The following SIN3A variants were observed in gnomAD, a reference collection of about 807,000 sequenced individuals.
SIN3A encodes the protein paired amphipathic helix protein Sin3a.
Under a neutral mutation model 146.1 loss-of-function variants are expected in SIN3A, and 14 were observed. The ratio of observed to expected loss-of-function variants is 0.10; its 90% CI spans 0.06 to 0.15. SIN3A has a LOEUF of 0.15. Ranked by LOEUF, SIN3A falls within the 10% of genes least tolerant of loss-of-function variation. SIN3A has a pLI of 1.00. For missense variants in SIN3A, 1,028 were observed against 1,576.0 expected, an observed-to-expected ratio of 0.65 and a Z score of 5.89; for synonymous variants, 572 against 572.0, an observed-to-expected ratio of 1.00 and a Z score of 0.00.
At chr15:75,398,795 G>A (rs2073351479) in intron 12 of SIN3A, among the ~76,000 whole-genome samples, 1 of 151,850 alleles carries the variant, frequency 6.6e-6, no homozygotes, top group African/African-American at 2.4e-5. Flanking sequence ...TGATCGCTTG[G>A]ACCCAAGAGT....
intron 3 of SIN3A, chr15:75,420,273 C>T (rs1166876720): frequency 6.6e-6 from 1 of 151,916 alleles, no homozygotes; most frequent in African/African-American, 2.4e-5. Flanking sequence ...TGCCTCAAAT[C>T]GTTCAAATCC....
At chr15:75,446,269 C>G (rs1348535427) in intron 1 of SIN3A, 5 of 151,018 alleles carry the variant, frequency 3.3e-5, no homozygotes, top group African/African-American at 1.2e-4. Flanking sequence ...AGTGAGGGAG[C>G]TAGTCATGCA....
At chr15:75,450,821 G>A (rs1397818554) in intron 1 of SIN3A, among the ~76,000 whole-genome samples, 3 of 152,198 alleles carry the variant, frequency 2.0e-5, no homozygotes, top group Admixed American at 6.5e-5. Context: ...ACCCGACAGC[G>A]GGCTTTCCCT....
chr15:75,413,679 G>A (rs999901265), intron 4 of SIN3A, among the ~76,000 whole-genome samples: 22 of 152,006 alleles, frequency 1.4e-4, no homozygotes, highest in African/African-American at 5.3e-4. Flanking sequence ...AAGTAGCTGG[G>A]ATTACAGGCA....
Position 75,369,637 on chromosome 15 carries a change from C to A in SIN3A, c.*2342G>T, listed in dbSNP as rs1488071941. On this transcript the variant is annotated 3_prime_UTR_variant, in exon 21 of 21. Transcript: ENST00000394947. ...GGTTGCACTGGTGGGTTGGGACTTT[C>A]TCCTGAACTGGCCTTGAAATCCTAT... 1 of 152,224 alleles carries A rather than the reference C, an allele frequency of 6.6e-6. No homozygotes were observed. Among genetic ancestry groups the A allele is most frequent in the Admixed American group, 6.5e-5 (1 of 15,268 alleles). The allele number at this position is 152,224 out of a possible 1,614,324, so 9.4% of individuals were successfully genotyped here. A position where few individuals can be genotyped will look rare whatever the true frequency, so the allele number is the denominator to read the frequency against.
intron 20 of SIN3A, among the ~76,000 whole-genome samples, chr15:75,373,754 TAA>T (rs1011963776): frequency 1.2e-4 from 16 of 132,186 alleles, no homozygotes; most frequent in Non-Finnish European, 1.3e-4. Context: ...CTATTTTCAT[TAA>T]AAAAAAAAAA....
chr15:75,444,106 C>T (rs2074262960), intron 1 of SIN3A, among the ~76,000 whole-genome samples: 1 of 152,256 alleles, frequency 6.6e-6, no homozygotes, highest in Admixed American at 6.5e-5. Flanking sequence ...ATCAGTAAAA[C>T]TCCACAACAT....
intron 3 of SIN3A, chr15:75,420,952 C>T (rs1031520354): frequency 6.6e-6 from 1 of 151,578 alleles, no homozygotes; most frequent in East Asian, 1.9e-4. Context: ...AAATCCAAAA[C>T]CTTTCCTTGT....
rs567032696 is a variant in SIN3A at position 75,392,002 on chromosome 15, G to A, written c.2851+240C>T. On this transcript the variant is annotated intron_variant, in intron 15 of 20. Transcript: ENST00000394947. ...ACTGTGATACCCCCTTCCCAGGTGC[G>A]TCCACAGTACCAACCACTGACCAAG... Among the ~76,000 whole-genome samples the A allele has an allele frequency of 5.3e-5, 8 of 152,244 alleles. No individual in the cohort carries two copies. In the South Asian group the frequency reaches 1.2e-3, roughly 24 times the overall value.
rs1421854869 is a variant in SIN3A at position 75,376,128 on chromosome 15, C to G, written c.3384-256G>C. The G allele has an allele frequency of 7.4e-6, 4 of 539,382 alleles. No homozygotes were observed. The African/African-American group carries it at 7.6e-5, about 10-fold the overall frequency. The allele number at this position is 539,382 out of a possible 1,614,324, so 33.4% of individuals were successfully genotyped here. ...AGTTAAGAGTTTTAATGAGAAACTT[C>G]TAGGCCTCTGTCTGTAAATTTACAC... On this transcript the variant is annotated intron_variant, in intron 19 of 20. Coordinates refer to ENST00000394947, the MANE Select transcript of SIN3A (RefSeq NM_001145358.2).
At chr15:75,394,894 C>T in intron 13 of SIN3A, 31 bp from the exon 14 acceptor site, 1 of 1,591,748 alleles carries the variant, frequency 6.3e-7, no homozygotes. Flanking sequence ...GGAAACAACA[C>T]ATGGGAATTC....
intron 16 of SIN3A, among the ~76,000 whole-genome samples, chr15:75,387,969 C>T (rs1319925252): frequency 6.6e-6 from 1 of 152,090 alleles, no homozygotes; most frequent in Non-Finnish European, 1.5e-5. Context: ...ACAACTTTCC[C>T]CCAGATGTTA....
chr15:75,382,222 A>G (rs151121784), intron 17 of SIN3A, among the ~76,000 whole-genome samples: 1 of 152,228 alleles, frequency 6.6e-6, no homozygotes, highest in African/African-American at 2.4e-5. Context: ...CACACCACTA[A>G]TCAATATACA....
At chr15:75,441,997 G>A (rs748484623) in intron 1 of SIN3A, among the ~76,000 whole-genome samples, 8 of 151,270 alleles carry the variant, frequency 5.3e-5, no homozygotes, top group South Asian at 4.2e-4. Flanking sequence ...GCACGCACCC[G>A]TAGTCCCAGC....
chr15:75,409,799 G>T (rs772792736), intron 8 of SIN3A, 37 bp downstream of exon 8: 9 of 1,602,158 alleles, frequency 5.6e-6, no homozygotes, highest in Non-Finnish European at 5.1e-6. Flanking sequence ...AGAAATACTT[G>T]TGAGTGTCAA....
chr15:75,380,914 CA>C, intron 18 of SIN3A, 191 bp from the exon 19 acceptor site: 1 of 531,664 alleles, frequency 1.9e-6, no homozygotes, highest in Non-Finnish European at 3.4e-6. Flanking sequence ...TGTTAGCCAG[CA>C]ATACTGCTAA....
At chr15:75,411,843 T>C in intron 5 of SIN3A, 100 bp from the exon 6 acceptor site, 1 of 1,299,810 alleles carries the variant, frequency 7.7e-7, no homozygotes, top group Non-Finnish European at 1.1e-6. Context: ...GTATATCCTT[T>C]ATTTACTCAC....
rs752876706 is a variant in SIN3A, at chr15:75,373,869, T to C, written c.3592-1660A>G. Among the ~76,000 whole-genome samples the C allele has an allele frequency of 1.8e-4, 28 of 152,182 alleles. 1 individual carries two copies. Among genetic ancestry groups the C allele is most frequent in the Non-Finnish European group, 2.1e-4 (14 of 68,024 alleles). ...CAGTAGTAGACTATCAGTAGTTCCA[T>C]TTTGGGGGAGTCAAAAATTATACAC... On this transcript the variant is annotated intron_variant, in intron 20 of 20. Transcript: ENST00000394947.
intron 16 of SIN3A, chr15:75,388,820 GA>G: frequency 6.5e-6 from 1 of 153,076 alleles, no homozygotes. Flanking sequence ...TGCTGAAAAG[GA>G]AAAATGAAGC....
Sources: gnomAD v4.1 joint callset for allele counts (sites outside exome capture counted in the v4.1 genomes callset) on GRCh38, gnomAD v4.1.1 for gene constraint, MANE v1.5 for transcripts, NCBI Gene and HGNC (gene_info 2026-07-23, HGNC 2026-07-21) for gene names.